The following EBF3 variants were observed in gnomAD, a reference collection of about 807,000 sequenced individuals.
EBF3 encodes the protein EBF transcription factor 3, also known as transcription factor COE3.
A neutral mutation model predicts 77.1 loss-of-function variants in EBF3; 18 were observed. The observed-to-expected ratio is 0.23, with a 90% CI of 0.16 to 0.35. EBF3 has a LOEUF of 0.35. Among genes scored for constraint, EBF3 ranks in the 10% least tolerant of loss-of-function variants. EBF3 has a pLI of 1.00. For missense variants in EBF3, 558 were observed against 860.0 expected, an observed-to-expected ratio of 0.65 and a Z score of 4.39; for synonymous variants, 350 against 343.5, an observed-to-expected ratio of 1.02 and a Z score of -0.21.
intron 6 of EBF3, among the ~76,000 whole-genome samples, chr10:129,915,395 A>C (rs894987630): frequency 2.0e-5 from 3 of 152,000 alleles, no homozygotes; most frequent in African/African-American, 7.3e-5. Context: ...CTCAAAAGTA[A>C]ACACAAAAAC....
intron 6 of EBF3, among the ~76,000 whole-genome samples, chr10:129,926,903 G>C (rs557339444): frequency 6.6e-6 from 1 of 152,328 alleles, no homozygotes; most frequent in Non-Finnish European, 1.5e-5. Context: ...GGGCTCCAGA[G>C]CCTGCTCCCG....
chr10:129,899,041 C>T (rs1290784175), intron 6 of EBF3, among the ~76,000 whole-genome samples: 3 of 151,838 alleles, frequency 2.0e-5, no homozygotes, highest in Non-Finnish European at 2.9e-5. Flanking sequence ...ATGTGTGCGC[C>T]GGCTCCCGTT....
chr10:129,875,171 C>A (rs1589760820), intron 7 of EBF3, among the ~76,000 whole-genome samples: 1 of 145,532 alleles, frequency 6.9e-6, no homozygotes, highest in Admixed American at 6.9e-5. Context: ...AATACATGTG[C>A]AAGTGATGGC....
intron 8 of EBF3, among the ~76,000 whole-genome samples, chr10:129,871,780 G>T (rs144475099): frequency 6.6e-6 from 1 of 152,024 alleles, no homozygotes; most frequent in African/African-American, 2.4e-5. Context: ...TTTTCTTAAC[G>T]ATCTGTCTAT....
At chr10:129,858,469 T>G (rs1335447514) in intron 10 of EBF3, among the ~76,000 whole-genome samples, 1 of 152,136 alleles carries the variant, frequency 6.6e-6, no homozygotes, top group Non-Finnish European at 1.5e-5. Flanking sequence ...GGCCTAAGCT[T>G]GGGTGGGATG....
chr10:129,960,697 C>T (rs1354794197), intron 4 of EBF3, among the ~76,000 whole-genome samples: 1 of 150,594 alleles, frequency 6.6e-6, no homozygotes. Context: ...TTATTTTCAG[C>T]CCTGTTTATA....
At chr10:129,874,956 T>C (rs1240116854) in intron 7 of EBF3, among the ~76,000 whole-genome samples, 1 of 152,168 alleles carries the variant, frequency 6.6e-6, no homozygotes, top group African/African-American at 2.4e-5. Context: ...GGGCGATCTC[T>C]GTACTTTCTG....
At chr10:129,847,563 G>A (rs967633695) in intron 11 of EBF3, among the ~76,000 whole-genome samples, 1 of 152,260 alleles carries the variant, frequency 6.6e-6, no homozygotes, top group East Asian at 1.9e-4. Context: ...TGTCTAAAAG[G>A]TTTTATTGTG....
chr10:129,866,570 C>T (rs918795946), intron 10 of EBF3, among the ~76,000 whole-genome samples: 2 of 152,184 alleles, frequency 1.3e-5, no homozygotes, highest in Admixed American at 6.5e-5. Flanking sequence ...GAGTCTGTCC[C>T]GCACCCTCAA....
chr10:129,941,592 C>A (rs1857742560), intron 6 of EBF3, among the ~76,000 whole-genome samples: 1 of 152,210 alleles, frequency 6.6e-6, no homozygotes, highest in Admixed American at 6.5e-5. Flanking sequence ...CCCTCCAGGC[C>A]CAAAGCGCTG....
At chr10:129,901,620 T>C (rs1209362560) in intron 6 of EBF3, among the ~76,000 whole-genome samples, 1 of 152,220 alleles carries the variant, frequency 6.6e-6, no homozygotes, top group Non-Finnish European at 1.5e-5. Context: ...TCTCAGTAAA[T>C]AAAACAAAGA....
At chr10:129,852,733 G>A (rs1455247534) in intron 10 of EBF3, among the ~76,000 whole-genome samples, 1 of 152,196 alleles carries the variant, frequency 6.6e-6, no homozygotes, top group African/African-American at 2.4e-5. Context: ...AATTCGGATT[G>A]GAAAACATAC....
chr10:129,945,355 C>T (rs1858124958), intron 6 of EBF3, among the ~76,000 whole-genome samples: 1 of 152,138 alleles, frequency 6.6e-6, no homozygotes, highest in Admixed American at 6.5e-5. Context: ...AGAACCCTAA[C>T]CGATTGCGAT....
chr10:129,891,088 A>T (rs1201390493), intron 6 of EBF3, among the ~76,000 whole-genome samples: 4 of 152,348 alleles, frequency 2.6e-5, no homozygotes, highest in South Asian at 2.1e-4. Flanking sequence ...ATCTTCATGA[A>T]AAATGAGCAT....
At chr10:129,945,202 G>A (rs1465363133) in intron 6 of EBF3, among the ~76,000 whole-genome samples, 1 of 135,156 alleles carries the variant, frequency 7.4e-6, no homozygotes, top group African/African-American at 2.8e-5. Context: ...GGCCTGGGGG[G>A]ATCTGGAGGC....
At chr10:129,894,069 T>C (rs562385270) in intron 6 of EBF3, among the ~76,000 whole-genome samples, 8 of 152,306 alleles carry the variant, frequency 5.3e-5, no homozygotes, top group Admixed American at 3.9e-4. Context: ...TCCTTCCTAT[T>C]AACCTGCTCC....
In EBF3 at chr10:129,952,135, A is replaced by T. The variant is rs1463672829; in HGVS notation, c.554+5123T>A. Among the ~76,000 whole-genome samples the T allele has an allele frequency of 6.6e-6, 1 of 152,242 alleles. No individual in the cohort carries two copies. The highest frequency in any genetic ancestry group is 1.9e-4 in the East Asian group (1 of 5,192). On this transcript the variant is annotated intron_variant, in intron 6 of 16. Coordinates refer to ENST00000440978, the MANE Select transcript of EBF3 (RefSeq NM_001375380.1). This position sits in a 1 kb window ranked among gnomAD's most constrained non-coding sequence, Gnocchi z 4.7. ...CTGAAGGCCCAATGTATTAAAACAG[A>T]CCCTGAACCAAAGAGCATCTCCAAT...
At chr10:129,946,502 C>T (rs1858236869) in intron 6 of EBF3, among the ~76,000 whole-genome samples, 1 of 152,142 alleles carries the variant, frequency 6.6e-6, no homozygotes, top group Non-Finnish European at 1.5e-5. Context: ...TTAAATGTCT[C>T]ATAAGCCTCG....
chr10:129,865,107 T>C (rs1417970906), intron 10 of EBF3, among the ~76,000 whole-genome samples: 1 of 152,156 alleles, frequency 6.6e-6, no homozygotes, highest in Non-Finnish European at 1.5e-5. Context: ...CAGGGGCATG[T>C]GGTACACATA....
Sources: gnomAD v4.1 joint callset for allele counts (sites outside exome capture counted in the v4.1 genomes callset) on GRCh38, gnomAD v4.1.1 for gene constraint, Gnocchi (gnomAD v3.1) non-coding constraint, MANE v1.5 for transcripts, NCBI Gene and HGNC (gene_info 2026-07-23, HGNC 2026-07-21) for gene names.